Variants in RBFOX1 observed in about 807,000 individuals in gnomAD.
RBFOX1 encodes RNA binding protein fox-1 homolog 1.
RBFOX1 carries 8 observed loss-of-function variants against 57.7 expected under a neutral mutation model. The observed-to-expected ratio is 0.14, with a 90% CI of 0.08 to 0.25. RBFOX1 has a LOEUF of 0.25. RBFOX1 is among the 10% of genes least tolerant of loss of function. The pLI, the probability that RBFOX1 is intolerant of heterozygous loss-of-function variation, is 1.00. For synonymous variants in RBFOX1, 326 were observed against 222.4 expected (o/e 1.47, Z -4.15); for missense variants, 611 against 548.5 (o/e 1.11, Z -1.14).
At chr16:6,710,105 A>G (rs1380384029) in intron 3 of RBFOX1, among the ~76,000 whole-genome samples, 1 of 152,160 alleles carries the variant, frequency 6.6e-6, no homozygotes, top group Non-Finnish European at 1.5e-5. Flanking sequence ...AGGGAACCAC[A>G]GCAAAAATAC....
intron 4 of RBFOX1, among the ~76,000 whole-genome samples, chr16:7,159,232 G>A (rs1402005833): frequency 6.6e-6 from 1 of 152,082 alleles, no homozygotes; most frequent in Non-Finnish European, 1.5e-5. Flanking sequence ...ATTCTATGGT[G>A]TCAATCTACC....
intron 3 of RBFOX1, among the ~76,000 whole-genome samples, chr16:5,804,778 C>T (rs1490896412): frequency 2.0e-5 from 3 of 152,188 alleles, no homozygotes; most frequent in African/African-American, 7.2e-5. Context: ...CCACGCTCAC[C>T]TCCCAGACAA....
At chr16:5,558,339 C>G (rs189323506) in intron 2 of RBFOX1, among the ~76,000 whole-genome samples, 1 of 152,164 alleles carries the variant, frequency 6.6e-6, no homozygotes, top group African/African-American at 2.4e-5. Context: ...ACCCTAGATG[C>G]AGCTGTGGAG....
chr16:5,307,370 C>T (rs1401954055), intron 1 of RBFOX1, among the ~76,000 whole-genome samples: 1 of 152,198 alleles, frequency 6.6e-6, no homozygotes, highest in African/African-American at 2.4e-5. Flanking sequence ...TCTCTCCCTG[C>T]CATCTTCCCC....
intron 2 of RBFOX1, among the ~76,000 whole-genome samples, chr16:5,559,587 G>T (rs1164492690): frequency 6.6e-6 from 1 of 152,142 alleles, no homozygotes; most frequent in East Asian, 1.9e-4. Flanking sequence ...AACCTGGCCT[G>T]GTTCCCCTGC....
At chr16:5,822,343 G>A (rs971814228) in intron 3 of RBFOX1, among the ~76,000 whole-genome samples, 1 of 152,124 alleles carries the variant, frequency 6.6e-6, no homozygotes, top group Non-Finnish European at 1.5e-5. Flanking sequence ...TTACTGCTTG[G>A]GTGGTGGGTG....
intron 4 of RBFOX1, among the ~76,000 whole-genome samples, chr16:7,170,619 T>C (rs1227093478): frequency 1.3e-5 from 2 of 152,204 alleles, no homozygotes; most frequent in African/African-American, 4.8e-5. Context: ...AATTCTCACA[T>C]CTTAGAGGTA....
intron 2 of RBFOX1, among the ~76,000 whole-genome samples, chr16:6,533,708 C>T (rs2096694309): frequency 6.6e-6 from 1 of 152,044 alleles, no homozygotes; most frequent in African/African-American, 2.4e-5. Flanking sequence ...CCATGTTTTC[C>T]ATCGTAGACA....
intron 1 of RBFOX1, among the ~76,000 whole-genome samples, chr16:6,101,059 A>G (rs1391836967): frequency 1.3e-5 from 2 of 152,190 alleles, no homozygotes; most frequent in Non-Finnish European, 2.9e-5. Context: ...ACCACTAGCT[A>G]GCAGTTTGAC....
At chr16:5,991,462 C>T (rs752383414) in intron 4 of RBFOX1, among the ~76,000 whole-genome samples, 7 of 152,034 alleles carry the variant, frequency 4.6e-5, no homozygotes, top group Non-Finnish European at 7.4e-5. Flanking sequence ...GGCAATTAGC[C>T]TCTAGTTTGT....
At chr16:7,398,104 A>G (rs1044150232) in intron 4 of RBFOX1, among the ~76,000 whole-genome samples, 1 of 152,182 alleles carries the variant, frequency 6.6e-6, no homozygotes, top group Admixed American at 6.5e-5. Context: ...TAATTGATAA[A>G]GAATTTGCAA....
At chr16:6,307,522 A>T (rs1283363238) in intron 1 of RBFOX1, among the ~76,000 whole-genome samples, 2 of 141,076 alleles carry the variant, frequency 1.4e-5, no homozygotes, top group Admixed American at 1.5e-4. Context: ...AATAGTCATT[A>T]TATAATATCA....
intron 1 of RBFOX1, among the ~76,000 whole-genome samples, chr16:6,075,936 T>C (rs914282464): frequency 6.6e-6 from 1 of 152,188 alleles, no homozygotes; most frequent in Non-Finnish European, 1.5e-5. Context: ...GCAGGTACAT[T>C]TGATTATTAG....
chr16:6,671,548 C>T lies in RBFOX1; in HGVS notation c.-16+16898C>T, dbSNP rs188245342. The stretch of plus-strand genomic sequence containing the variant: ...TTTAGGACTGAGTTTGGGCAAGTTC[C>T]TTAGTCTTTCTGCATCTCAGATTCC... On this transcript the variant is annotated intron_variant, in intron 3 of 15. Coordinates refer to ENST00000550418, the MANE Select transcript of RBFOX1 (RefSeq NM_018723.4). Among the ~76,000 whole-genome samples, 19 of 152,210 alleles carry T rather than the reference C, an allele frequency of 1.2e-4. No individual in the cohort carries two copies. In the East Asian group the frequency reaches 3.5e-3, roughly 28 times the overall value.
chr16:7,390,493 G>A (rs909007150), intron 4 of RBFOX1, among the ~76,000 whole-genome samples: 1 of 152,154 alleles, frequency 6.6e-6, no homozygotes, highest in Admixed American at 6.6e-5. Context: ...CATATCATCT[G>A]TTCAAAAGAA....
intron 4 of RBFOX1, among the ~76,000 whole-genome samples, chr16:7,128,978 G>A (rs1296299461): frequency 2.0e-5 from 3 of 151,846 alleles, no homozygotes; most frequent in East Asian, 1.9e-4. Context: ...ATGACACCAC[G>A]CCCAGTTAAT....
intron 4 of RBFOX1, among the ~76,000 whole-genome samples, chr16:7,202,298 T>TAA (rs35437762): frequency 0.02 from 2,617 of 131,710 alleles, 58 homozygotes; most frequent in African/African-American, 0.06. Flanking sequence ...TGGCTGCAAA[T>TAA]AAAAAAAAAA....
chr16:5,885,705 C>T (rs771379998), intron 4 of RBFOX1, among the ~76,000 whole-genome samples: 2 of 152,142 alleles, frequency 1.3e-5, no homozygotes, highest in Non-Finnish European at 2.9e-5. Flanking sequence ...TAAAGAAATA[C>T]GTTCTGCTTT....
At chr16:6,112,758 T>G (rs1300454967) in intron 1 of RBFOX1, among the ~76,000 whole-genome samples, 3 of 152,110 alleles carry the variant, frequency 2.0e-5, no homozygotes, top group African/African-American at 7.2e-5. Flanking sequence ...TGCCCAGAGT[T>G]TGATATAAAG....
Sources: gnomAD v4.1 joint callset for allele counts (sites outside exome capture counted in the v4.1 genomes callset) on GRCh38, gnomAD v4.1.1 for gene constraint, MANE v1.5 for transcripts, NCBI Gene and HGNC (gene_info 2026-07-23, HGNC 2026-07-21) for gene names.